The following XYLB variants were observed in gnomAD, a reference collection of about 807,000 sequenced individuals.
The protein encoded by XYLB is xylulose kinase.
A neutral mutation model predicts 78.7 loss-of-function variants in XYLB; 62 were observed. The observed-to-expected ratio is 0.79, with a 90% CI of 0.64 to 0.97. XYLB has a LOEUF of 0.97. Ranked by LOEUF, XYLB falls within the 50% of genes least tolerant of loss-of-function variation. XYLB has a pLI of 0.00. For synonymous variants in XYLB, 245 were observed against 247.4 expected (o/e 0.99, Z 0.09); for missense variants, 687 against 676.8 (o/e 1.02, Z -0.17).
intron 14 of XYLB, among the ~76,000 whole-genome samples, chr3:38,377,682 A>G (rs752537499): frequency 1.3e-5 from 2 of 152,028 alleles, no homozygotes; most frequent in Non-Finnish European, 2.9e-5. Context: ...CCTAACCTCA[A>G]GTGATACGCC....
At chr3:38,371,430 C>A (rs147694443) in intron 9 of XYLB, among the ~76,000 whole-genome samples, 3 of 152,134 alleles carry the variant, frequency 2.0e-5, no homozygotes, top group Non-Finnish European at 2.9e-5. Context: ...CCCGCCACCA[C>A]GCCTGGCTAA....
At chr3:38,418,055 C>T (rs1467582683), downstream of XYLB, among the ~76,000 whole-genome samples, 1 of 151,050 alleles carries the variant, frequency 6.6e-6, no homozygotes, top group Non-Finnish European at 1.5e-5. Flanking sequence ...ATTAGGCAGG[C>T]GTGGTAGCAG....
intron 1 of XYLB, among the ~76,000 whole-genome samples, chr3:38,347,483 G>A (rs1350729065): frequency 6.6e-6 from 1 of 152,044 alleles, no homozygotes; most frequent in South Asian, 2.1e-4. Flanking sequence ...TTCGAGACCA[G>A]CCTGGGCAAT....
chr3:38,364,066 C>T (rs899628580), intron 4 of XYLB, among the ~76,000 whole-genome samples: 3 of 152,084 alleles, frequency 2.0e-5, no homozygotes, highest in Non-Finnish European at 2.9e-5. Flanking sequence ...AGCTAATCCC[C>T]GACCCCCATG....
At position 38,413,124 on chromosome 3, in the gene XYLB, A is replaced by C; in HGVS notation, c.*111A>C. The C allele has an allele frequency of 1.8e-6, 2 of 1,097,234 alleles. No individual in the cohort carries two copies. Among genetic ancestry groups the C allele is most frequent in the Admixed American group, 6.1e-5 (2 of 32,574 alleles). The allele number at this position is 1,097,234 out of a possible 1,614,324, so 68.0% of individuals were successfully genotyped here. A position where few individuals can be genotyped will look rare whatever the true frequency, so the allele number is the denominator to read the frequency against. The stretch of plus-strand genomic sequence containing the variant: ...GTTCTGAACAGCTCTTCCTGCCCCT[A>C]CTGACTCCTTGGAGTGTCCAGGACC... On this transcript the variant is annotated 3_prime_UTR_variant, in exon 19 of 19. Transcript: ENST00000207870.
In XYLB at chr3:38,370,165, C is replaced by G. The variant is rs140797435; in HGVS notation, c.756C>G (p.Cys252Trp). 1.1e-3 allele frequency: 1,768 copies of G among 1,613,670 alleles called. 5 individuals are homozygous for G. Among genetic ancestry groups the G allele is most frequent in the South Asian group, 5.6e-3 (506 of 91,070 alleles). ...AGCTTAGCCCACCAGTACCATCATG[C>G]TCAGTTGTGGTAGGTCTCCTTTCTG... is the stretch of plus-strand genomic sequence containing the variant. ...EEKLSPPVPS[C>W]SVVGAISSYY... is the part of the protein sequence containing the mutation. The change falls in exon 9 of 19, where the codon TGC becomes TGG. Residue 252 changes from cysteine (C) to tryptophan (W), a missense_variant. Physicochemically the swap from Cys to Trp is radical, Grantham distance 215. Coordinates refer to ENST00000207870, the MANE Select transcript of XYLB (RefSeq NM_005108.4).
In XYLB at chr3:38,365,269, T is replaced by A. The variant is rs763991740; in HGVS notation, c.362T>A (p.Leu121Gln). The A allele has an allele frequency of 3.7e-6, 6 of 1,614,222 alleles. No homozygotes were observed. In the South Asian group the frequency reaches 6.6e-5, roughly 18 times the overall value. The change falls in exon 5 of 19, where the codon CTA becomes CAA. Residue 121 changes from leucine to glutamine, a missense_variant. Coordinates refer to ENST00000207870, the MANE Select transcript of XYLB (RefSeq NM_005108.4). ...ALTSLSPDLR[L>Q]HQQLQDCFSI... is the part of the protein sequence containing the mutation. ...ACAAGCTTATCACCAGACCTCCGGC[T>A]ACACCAGCAGCTGCAGGTAACTGTG... is the stretch of plus-strand genomic sequence containing the variant.
chr3:38,426,120 C>T (rs926629234), downstream of XYLB, among the ~76,000 whole-genome samples: 4 of 152,116 alleles, frequency 2.6e-5, no homozygotes, highest in Non-Finnish European at 4.4e-5. Context: ...CAGCTACTGC[C>T]GCGGCAGCTG....
At chr3:38,416,292 T>C (rs6806209), downstream of XYLB, among the ~76,000 whole-genome samples, 17,652 of 151,600 alleles carry the variant, frequency 0.12, 1,652 homozygotes, top group African/African-American at 0.26. Flanking sequence ...AAACCAAGTA[T>C]ATGAAGTGTA....
At chr3:38,418,163 C>G (rs1321816965), downstream of XYLB, among the ~76,000 whole-genome samples, 1 of 146,644 alleles carries the variant, frequency 6.8e-6, no homozygotes, top group African/African-American at 2.5e-5. Context: ...GCACTGTACT[C>G]CAGCCTGGGT....
At chr3:38,400,775 A>G (rs1708089572) in intron 17 of XYLB, 116 bp from the exon 18 acceptor site, 4 of 745,728 alleles carry the variant, frequency 5.4e-6, no homozygotes, top group Non-Finnish European at 9.1e-6. Flanking sequence ...TTGTGCAACC[A>G]TCACTATAAT....
At position 38,375,172 on chromosome 3, in the gene XYLB, T is replaced by G. The variant is rs1433150901; in HGVS notation, c.917T>G (p.Phe306Cys). 6.2e-7 allele frequency: 1 copy of G among 1,614,102 alleles called. No homozygotes were observed. The highest frequency in any genetic ancestry group is 2.2e-5 in the East Asian group (1 of 44,864). The change falls in exon 12 of 19, where the codon TTT (phenylalanine) becomes TGT (cysteine). Residue 306 changes from phenylalanine (F) to cysteine (C), a missense_variant. Phe to Cys is a radical substitution (Grantham distance 205). Coordinates refer to ENST00000207870, the MANE Select transcript of XYLB (RefSeq NM_005108.4). ...AGCCTGGGCACCAGTGACACCCTGT[T>G]TCTCTGGCTCCAAGAGCCCATGCCT... is the stretch of plus-strand genomic sequence containing the variant. Reference protein sequence around the residue: ...AVSLGTSDTLFLWLQEPMPAL... With the variant: ...AVSLGTSDTLCLWLQEPMPAL...
Position 38,376,988 on chromosome 3 carries a change from C to T in XYLB, c.1191C>T (p.His397=). 1 of 1,613,550 alleles carries T rather than the reference C, an allele frequency of 6.2e-7. No individual in the cohort carries two copies. Among genetic ancestry groups the T allele is most frequent in the Non-Finnish European group, 8.5e-7 (1 of 1,179,494 alleles). ...IGRHRFNTEN[H]KVAAFPGDVE... ...GTCATAGGTTTAACACAGAAAACCA[C>T]AAGGTACATGTGCTGTTGGTGTTGG... is the stretch of plus-strand genomic sequence containing the variant. Residue 397 remains histidine, a synonymous_variant, in exon 14 of 19, where the codon CAC becomes CAT. Coordinates refer to ENST00000207870, the MANE Select transcript of XYLB (RefSeq NM_005108.4).
downstream of XYLB, among the ~76,000 whole-genome samples, chr3:38,422,782 G>A (rs1056778253): frequency 6.6e-6 from 1 of 152,008 alleles, no homozygotes; most frequent in African/African-American, 2.4e-5. Context: ...AAGAGATGGG[G>A]TATGTGCCTG....
intron 4 of XYLB, among the ~76,000 whole-genome samples, chr3:38,363,605 A>T (rs1227670886): frequency 6.6e-6 from 1 of 152,202 alleles, no homozygotes; most frequent in Admixed American, 6.5e-5. Context: ...ACAGGCAGTG[A>T]CCTGGGATAC....
At chr3:38,406,966 A>G (rs1708349503) in intron 18 of XYLB, among the ~76,000 whole-genome samples, 1 of 150,988 alleles carries the variant, frequency 6.6e-6, no homozygotes, top group Non-Finnish European at 1.5e-5. Flanking sequence ...TCTGCAGGAT[A>G]TTATCCAGGA....
chr3:38,351,176 A>AAAAAAAAAAAAAAAAAAAAAAAAAAAAC (rs1705343761), intron 2 of XYLB, among the ~76,000 whole-genome samples: 1 of 142,368 alleles, frequency 7.0e-6, no homozygotes, highest in Non-Finnish European at 1.6e-5. Context: ...TGTCTCAAAA[A>AAAAAAAAAAAAAAAAAAAAAAAAAAAAC]AAAAAAAAAA....
At chr3:38,348,520 C>G (rs746194327) in intron 1 of XYLB, 30 bp from the exon 2 acceptor site, 1 of 1,612,142 alleles carries the variant, frequency 6.2e-7, no homozygotes, top group Non-Finnish European at 8.5e-7. Flanking sequence ...GAGGAAAATT[C>G]TACACTTCCT....
At position 38,403,094 on chromosome 3, in the gene XYLB, C is replaced by T. The variant is rs192795926; in HGVS notation, c.1533+2109C>T. On this transcript the variant is annotated intron_variant, in intron 18 of 18. Coordinates refer to ENST00000207870, the MANE Select transcript of XYLB (RefSeq NM_005108.4). ...GGCAGATTGCTTGAGCCCAGGAGTT[C>T]GAGACCAGCCTGGGCAGCATGGCAA... Among the ~76,000 whole-genome samples the T allele has an allele frequency of 3.2e-3, 483 of 151,940 alleles. 4 individuals carry two copies. Among genetic ancestry groups the T allele is most frequent in the African/African-American group, 0.011 (441 of 41,422 alleles).
Sources: gnomAD v4.1 joint callset for allele counts (sites outside exome capture counted in the v4.1 genomes callset) on GRCh38, gnomAD v4.1.1 for gene constraint, MANE v1.5 for transcripts, NCBI Gene and HGNC (gene_info 2026-07-23, HGNC 2026-07-21) for gene names.